The following AIF1 variants were observed in gnomAD, a reference collection of about 807,000 sequenced individuals.
AIF1 encodes the protein interferon gamma responsive transcript.
A neutral mutation model predicts 20.6 loss-of-function variants in AIF1; 21 were observed. The observed-to-expected ratio is 1.02, with a 90% confidence interval of 0.72 to 1.47. The LOEUF (loss-of-function observed/expected upper bound fraction) is 1.47, where lower values mean the gene tolerates loss of function less well. Among genes scored for constraint, AIF1 ranks in the 40% most tolerant of loss-of-function variants. The probability of loss-of-function intolerance (pLI) is 0.00; values close to 1 mark genes in which losing one functional copy is unlikely to be tolerated. For synonymous variants in AIF1, 52 were observed against 65.8 expected, an observed-to-expected ratio of 0.79 and a Z score of 1.01; for missense variants, 161 against 170.5, an observed-to-expected ratio of 0.94 and a Z score of 0.31.
At position 31,616,537 on chromosome 6, in the gene AIF1, T is replaced by G. The variant is rs1467718834; in HGVS notation, c.359+31T>G. Reference sequence around the variant, plus strand: ...TGTCAATTTCCAACCTCCCCTGTACTTACCTGTTTTCTCCTCCCCCATCCC... The same window carrying G: ...TGTCAATTTCCAACCTCCCCTGTACGTACCTGTTTTCTCCTCCCCCATCCC... On this transcript the variant is annotated intron_variant, in intron 5 of 5. Transcript: ENST00000376059. The surrounding 1 kb of genome is among the most constrained non-coding windows in gnomAD (Gnocchi z 4.0). 1.9e-6 allele frequency: 3 copies of G among 1,570,792 alleles called. No individual in the cohort carries two copies. Among genetic ancestry groups the G allele is most frequent in the Non-Finnish European group, 2.6e-6 (3 of 1,158,698 alleles).
rs1774382204 is a variant in AIF1, at chr6:31,616,471, G to C, written c.324G>C (p.Arg108Ser). 6.2e-7 allele frequency: 1 copy of C among 1,612,506 alleles called. No homozygotes were observed. Among genetic ancestry groups the C allele is most frequent in the East Asian group, 2.2e-5 (1 of 44,886 alleles). The change falls in exon 5 of 6, where the codon AGG (arginine) becomes AGC (serine). Residue 108 changes from arginine to serine, a missense_variant. Transcript: ENST00000376059. The surrounding 1 kb of genome is among the most constrained non-coding windows in gnomAD (Gnocchi z 4.0). Reference sequence around the variant, plus strand: ...CGTTCAGCTACCCTGACTTTCTCAGGATGATGCTGGGCAAGAGATCTGCCA... The same window carrying C: ...CGTTCAGCTACCCTGACTTTCTCAGCATGATGCTGGGCAAGAGATCTGCCA... ...GETFSYPDFL[R>S]MMLGKRSAIL...
chr6:31,616,775 G>T lies in AIF1; in HGVS notation c.360-41G>T. 6.2e-7 allele frequency: 1 copy of T among 1,613,810 alleles called. No homozygotes were observed. Among genetic ancestry groups the T allele is most frequent in the Non-Finnish European group, 8.5e-7 (1 of 1,179,858 alleles). On this transcript the variant is annotated intron_variant, in intron 5 of 5. Coordinates refer to ENST00000376059, the MANE Select transcript of AIF1 (RefSeq NM_001623.5). The surrounding 1 kb of genome is among the most constrained non-coding windows in gnomAD (Gnocchi z 4.0). ...ACCCTATGATTTATTCCCTTGAGAGGAGTGTTCCCTGATCCCTGTGCCTCT... is the reference window on the plus strand; with the variant it reads ...ACCCTATGATTTATTCCCTTGAGAGTAGTGTTCCCTGATCCCTGTGCCTCT...
chr6:31,615,773 G>A, intron 3 of AIF1, 37 bp downstream of exon 3: 1 of 1,588,792 alleles, frequency 6.3e-7, no homozygotes, highest in Non-Finnish European at 8.6e-7. Flanking sequence ...GACAGGGCTG[G>A]GGGTAGGAGG....
chr6:31,616,254 C>T lies in AIF1; in HGVS notation c.197-90C>T. 1.2e-6 allele frequency: 2 copies of T among 1,612,998 alleles called. No individual in the cohort carries two copies. The highest frequency in any genetic ancestry group is 1.7e-6 in the Non-Finnish European group (2 of 1,179,964). ...GATTTGGGAGGGGGCCCACCTACCA[C>T]AGTGGGAGGAAGGAGAATGGGGATG... is the stretch of plus-strand genomic sequence containing the variant. On this transcript the variant is annotated intron_variant, in intron 4 of 5. Transcript: ENST00000376059. This position sits in a 1 kb window ranked among gnomAD's most constrained non-coding sequence, Gnocchi z 4.0.
Position 31,616,548 on chromosome 6 carries a change from C to T in AIF1, c.359+42C>T. The T allele has an allele frequency of 6.4e-7, 1 of 1,562,530 alleles. No homozygotes were observed. The highest frequency in any genetic ancestry group is 8.7e-7 in the Non-Finnish European group (1 of 1,154,688). On this transcript the variant is annotated intron_variant, in intron 5 of 5. Coordinates refer to ENST00000376059, the MANE Select transcript of AIF1 (RefSeq NM_001623.5). This position sits in a 1 kb window ranked among gnomAD's most constrained non-coding sequence, Gnocchi z 4.0. ...AACCTCCCCTGTACTTACCTGTTTTCTCCTCCCCCATCCCTACCCTTGTCC... is the reference window on the plus strand; with the variant it reads ...AACCTCCCCTGTACTTACCTGTTTTTTCCTCCCCCATCCCTACCCTTGTCC...
chr6:31,615,621 G>A, intron 2 of AIF1, 39 bp downstream of exon 2: 1 of 1,613,542 alleles, frequency 6.2e-7, no homozygotes, highest in Non-Finnish European at 8.5e-7. Context: ...CAGGGGGATG[G>A]GGCGTGGATG....
Position 31,616,620 on chromosome 6 carries a change from C to G in AIF1, c.359+114C>G. On this transcript the variant is annotated intron_variant, in intron 5 of 5. Transcript: ENST00000376059. The surrounding 1 kb of genome is among the most constrained non-coding windows in gnomAD (Gnocchi z 4.0). ...GTTGCCCATCATCCCTTCTTCCATC[C>G]TTAGAGGGACCCTTCCAAGGTCCCG... 1 of 1,498,710 alleles carries G rather than the reference C, an allele frequency of 6.7e-7. No individual in the cohort carries two copies. The highest frequency in any genetic ancestry group is 1.4e-5 in the South Asian group (1 of 72,970). 92.8% of individuals were successfully genotyped at this position (1,498,710 alleles called of 1,614,324 possible). A position where few individuals can be genotyped will look rare whatever the true frequency, so the allele number is the denominator to read the frequency against.
chr6:31,616,291 G>T lies in AIF1; in HGVS notation c.197-53G>T. On this transcript the variant is annotated intron_variant, in intron 4 of 5. Transcript: ENST00000376059. This position sits in a 1 kb window ranked among gnomAD's most constrained non-coding sequence, Gnocchi z 4.0. Reference sequence around the variant, plus strand: ...GGAGAATGGGGATGCGGAAGTGGGAGAGGAGAGAGAGGGTCTCCCCACCTT... The same window carrying T: ...GGAGAATGGGGATGCGGAAGTGGGATAGGAGAGAGAGGGTCTCCCCACCTT... 1 of 1,612,874 alleles carries T rather than the reference G, an allele frequency of 6.2e-7. No individual in the cohort carries two copies. Among genetic ancestry groups the T allele is most frequent in the Non-Finnish European group, 8.5e-7 (1 of 1,179,904 alleles).
chr6:31,616,185 G>C lies in AIF1; in HGVS notation c.196+40G>C. 1 of 1,613,138 alleles carries C rather than the reference G, an allele frequency of 6.2e-7. No homozygotes were observed. The highest frequency in any genetic ancestry group is 8.5e-7 in the Non-Finnish European group (1 of 1,179,902). ...ATTTGCGGGGGCAGGGTGGTGTGCA[G>C]GCCTAAGAAGACAGAGGTCTCTCCT... is the stretch of plus-strand genomic sequence containing the variant. On this transcript the variant is annotated intron_variant, in intron 4 of 5. Transcript: ENST00000376059. The surrounding 1 kb of genome is among the most constrained non-coding windows in gnomAD (Gnocchi z 4.0).
chr6:31,615,935 C>T, intron 3 of AIF1, 169 bp from the exon 4 acceptor site: 1 of 1,478,356 alleles, frequency 6.8e-7, no homozygotes, highest in Non-Finnish European at 9.0e-7. Flanking sequence ...TAGCTCCTTA[C>T]ACCCTAGCGG....
chr6:31,615,783 G>A (rs1029592419), intron 3 of AIF1, 47 bp downstream of exon 3: 22 of 1,580,932 alleles, frequency 1.4e-5, no homozygotes, highest in Non-Finnish European at 1.8e-5. Context: ...GGGGTAGGAG[G>A]GTTAGGATTT....
Position 31,615,662 on chromosome 6 carries a change from C to T in AIF1, c.88-8C>T. On this transcript the variant is annotated splice_region_variant and splice_polypyrimidine_tract_variant and intron_variant, in intron 2 of 5. Coordinates refer to ENST00000376059, the MANE Select transcript of AIF1 (RefSeq NM_001623.5). ...GGCCTACCCTGGCTCTTATTTTCCC[C>T]TCCATAGCAATTCCTAGACGATCCC... 1.2e-6 allele frequency: 2 copies of T among 1,613,184 alleles called. No individual in the cohort carries two copies. The highest frequency in any genetic ancestry group is 1.7e-6 in the Non-Finnish European group (2 of 1,179,846).
intron 1 of AIF1, 43 bp from the exon 2 acceptor site, chr6:31,615,478 G>A: frequency 6.2e-7 from 1 of 1,613,892 alleles, no homozygotes; most frequent in Non-Finnish European, 8.5e-7. Context: ...GGTAAGGAGA[G>A]GAAGGGAGGG....
Position 31,616,413 on chromosome 6 carries a change from T to C in AIF1, c.266T>C (p.Leu89Ser). ...AAGACTCACCTAGAGCTAAAGAAAT[T>C]AATTGGAGAGGTGTCCAGTGGCTCC... ...VPKTHLELKKLIGEVSSGSGE... is the reference protein window; with the variant it reads ...VPKTHLELKKSIGEVSSGSGE... The change falls in exon 5 of 6, where the codon TTA becomes TCA. Residue 89 changes from leucine (L) to serine (S), a missense_variant. Coordinates refer to ENST00000376059, the MANE Select transcript of AIF1 (RefSeq NM_001623.5). The surrounding 1 kb of genome is among the most constrained non-coding windows in gnomAD (Gnocchi z 4.0). The C allele has an allele frequency of 6.2e-7, 1 of 1,612,900 alleles. No homozygotes were observed.
In AIF1 at chr6:31,616,634, T is replaced by C. The variant is rs541396636; in HGVS notation, c.359+128T>C. ...CTTCTTCCATCCTTAGAGGGACCCTTCCAAGGTCCCGACCCCATCCCTATC... is the reference window on the plus strand; with the variant it reads ...CTTCTTCCATCCTTAGAGGGACCCTCCCAAGGTCCCGACCCCATCCCTATC... On this transcript the variant is annotated intron_variant, in intron 5 of 5. Transcript: ENST00000376059. This position sits in a 1 kb window ranked among gnomAD's most constrained non-coding sequence, Gnocchi z 4.0. 1 of 1,488,604 alleles carries C rather than the reference T, an allele frequency of 6.7e-7. No homozygotes were observed. Among genetic ancestry groups the C allele is most frequent in the African/African-American group, 1.4e-5 (1 of 71,282 alleles). 92.2% of individuals were successfully genotyped at this position (1,488,604 alleles called of 1,614,324 possible).
rs1774394607 is a variant in AIF1 at position 31,616,569 on chromosome 6, T to C, written c.359+63T>C. 1 of 1,543,638 alleles carries C rather than the reference T, an allele frequency of 6.5e-7. No homozygotes were observed. Among genetic ancestry groups the C allele is most frequent in the Non-Finnish European group, 8.7e-7 (1 of 1,146,796 alleles). On this transcript the variant is annotated intron_variant, in intron 5 of 5. Coordinates refer to ENST00000376059, the MANE Select transcript of AIF1 (RefSeq NM_001623.5). The surrounding 1 kb of genome is among the most constrained non-coding windows in gnomAD (Gnocchi z 4.0). The stretch of plus-strand genomic sequence containing the variant: ...TTTTCTCCTCCCCCATCCCTACCCT[T>C]GTCCACAGGCTCAACATTTCTACAC...
chr6:31,616,612 C>A lies in AIF1; in HGVS notation c.359+106C>A. The A allele has an allele frequency of 6.6e-7, 1 of 1,506,416 alleles. No homozygotes were observed. Among genetic ancestry groups the A allele is most frequent in the Non-Finnish European group, 8.9e-7 (1 of 1,127,672 alleles). The allele number at this position is 1,506,416 out of a possible 1,614,324, so 93.3% of individuals were successfully genotyped here. ...TTCTACACGTTGCCCATCATCCCTTCTTCCATCCTTAGAGGGACCCTTCCA... is the reference window on the plus strand; with the variant it reads ...TTCTACACGTTGCCCATCATCCCTTATTCCATCCTTAGAGGGACCCTTCCA... On this transcript the variant is annotated intron_variant, in intron 5 of 5. Transcript: ENST00000376059. The surrounding 1 kb of genome is among the most constrained non-coding windows in gnomAD (Gnocchi z 4.0).
chr6:31,616,956 A>G lies in AIF1; in HGVS notation c.*56A>G. 6.2e-7 allele frequency: 1 copy of G among 1,605,968 alleles called. No individual in the cohort carries two copies. Among genetic ancestry groups the G allele is most frequent in the Admixed American group, 1.7e-5 (1 of 58,602 alleles). The stretch of plus-strand genomic sequence containing the variant: ...GGGGCTTCTAATGACCCAGATATGG[A>G]AACAGAAGACAAAATTGTAAGCCAG... On this transcript the variant is annotated 3_prime_UTR_variant, in exon 6 of 6. Coordinates refer to ENST00000376059, the MANE Select transcript of AIF1 (RefSeq NM_001623.5). This position sits in a 1 kb window ranked among gnomAD's most constrained non-coding sequence, Gnocchi z 4.0.
At chr6:31,615,389 G>A (rs4711274) in intron 1 of AIF1, 35 bp downstream of exon 1, 217,170 of 1,612,118 alleles carry the variant, frequency 0.13, 17,003 homozygotes, top group Admixed American at 0.21. Context: ...GCATTAGATC[G>A]GAGGAATGAG....
Sources: allele counts gnomAD v4.1 joint callset, GRCh38; gene constraint gnomAD v4.1.1; non-coding constraint Gnocchi (gnomAD v3.1); transcripts MANE v1.5; gene names NCBI Gene and HGNC (gene_info 2026-07-23, HGNC 2026-07-21).